Variants in TMEM164 observed in about 807,000 individuals in gnomAD.
TMEM164 encodes the protein RP13-360B22.2.
In TMEM164, 4 loss-of-function variants were observed where a neutral mutation model predicts 18.8. That is an observed-to-expected ratio of 0.21 (90% CI 0.10 to 0.49). The LOEUF (loss-of-function observed/expected upper bound fraction) is 0.49. TMEM164 is among the 20% of genes least tolerant of loss of function. TMEM164 has a pLI of 0.98. For synonymous variants in TMEM164, 86 were observed against 101.7 expected (o/e 0.85, Z 0.93); for missense variants, 108 against 239.9 (o/e 0.45, Z 3.63).
At chrX:110,022,316 T>C (rs2147724199) in intron 2 of TMEM164, among the ~76,000 whole-genome samples, 1 of 111,290 alleles carries the variant, frequency 9.0e-6, no homozygotes, top group South Asian at 3.7e-4. Flanking sequence ...AGCCTGCTAG[T>C]TAGTTGTTTA....
At chrX:110,007,244 T>A (rs1347210632) in intron 2 of TMEM164, among the ~76,000 whole-genome samples, 1 of 112,207 alleles carries the variant, frequency 8.9e-6, no homozygotes, top group Non-Finnish European at 1.9e-5. Flanking sequence ...TGTTATTGAT[T>A]AATATTCGTC....
intron 2 of TMEM164, among the ~76,000 whole-genome samples, chrX:110,030,187 A>G (rs1238474274): frequency 2.4e-5 from 2 of 82,027 alleles, no homozygotes; most frequent in African/African-American, 1.0e-4. Flanking sequence ...TGGCATGATC[A>G]TGGCTCACTG....
intron 3 of TMEM164, among the ~76,000 whole-genome samples, chrX:110,105,289 A>G (rs1221851075): frequency 9.1e-6 from 1 of 110,429 alleles, no homozygotes; most frequent in Non-Finnish European, 1.9e-5. Flanking sequence ...GAGTCTTACT[A>G]TATGCCATGC....
chrX:110,120,382 G>A (rs1012673274), intron 4 of TMEM164, among the ~76,000 whole-genome samples: 13 of 112,378 alleles, frequency 1.2e-4, no homozygotes, highest in African/African-American at 3.9e-4. Flanking sequence ...TCCTTAGTCT[G>A]TGGATCAGTG....
At chrX:110,178,394 C>G (rs1277376628), downstream of TMEM164, among the ~76,000 whole-genome samples, 2 of 111,739 alleles carry the variant, frequency 1.8e-5, no homozygotes, top group Non-Finnish European at 3.8e-5. Context: ...AGAAAGGGGG[C>G]CAGATATGGC....
At chrX:110,144,906 A>T in intron 5 of TMEM164, 30 bp downstream of exon 5, 1 of 1,108,352 alleles carries the variant, frequency 9.0e-7, no homozygotes. Context: ...TTCCTATGTA[A>T]CCCCCACACC....
At chrX:110,033,889 A>G (rs751587162) in intron 2 of TMEM164, among the ~76,000 whole-genome samples, 1 of 112,006 alleles carries the variant, frequency 8.9e-6, no homozygotes, top group South Asian at 3.7e-4. Flanking sequence ...ACTGACTCCA[A>G]GAGGACAGGA....
At chrX:110,082,762 CTCTTT>C (rs1188134018) in intron 3 of TMEM164, among the ~76,000 whole-genome samples, 1 of 110,912 alleles carries the variant, frequency 9.0e-6, no homozygotes, top group Non-Finnish European at 1.9e-5. Flanking sequence ...CTGGTGGCTT[CTCTTT>C]TCTTTTTCCC....
chrX:110,122,487 A>C (rs2066465916), intron 4 of TMEM164, among the ~76,000 whole-genome samples: 1 of 105,968 alleles, frequency 9.4e-6, no homozygotes, highest in Non-Finnish European at 1.9e-5. Flanking sequence ...ATGACGAGTT[A>C]ATGGGTGCAG....
intron 2 of TMEM164, among the ~76,000 whole-genome samples, chrX:110,016,131 A>G (rs1933353050): frequency 8.9e-6 from 1 of 112,651 alleles, no homozygotes; most frequent in African/African-American, 3.2e-5. Context: ...GCTCAGATGG[A>G]CGCACATGGA....
Position 110,003,875 on chromosome X carries a change from C to T in TMEM164, c.101C>T (p.Ser34Phe). 8.3e-7 allele frequency: 1 copy of T among 1,211,912 alleles called. No individual in the cohort carries two copies. The highest frequency in any genetic ancestry group is 1.1e-6 in the Non-Finnish European group (1 of 895,515). ...NGGPDCAAFL[S>F]WQQRLLESVV... ...GGCCCCGACTGTGCTGCCTTCCTCT[C>T]TTGGCAGCAGCGGCTGCTGGAAAGT... The change falls in exon 2 of 7, where the codon TCT becomes TTT. Residue 34 changes from serine (S) to phenylalanine (F), a missense_variant. Physicochemically the swap from Ser to Phe is radical, Grantham distance 155. Coordinates refer to ENST00000372068, the MANE Select transcript of TMEM164 (RefSeq NM_032227.4).
At chrX:110,092,230 T>C (rs1388062330) in intron 3 of TMEM164, among the ~76,000 whole-genome samples, 1 of 112,112 alleles carries the variant, frequency 8.9e-6, no homozygotes, top group African/African-American at 3.2e-5. Context: ...AAGTAGTTTT[T>C]TCCAATTCTG....
At chrX:110,163,686 T>C (rs1321232419) in intron 5 of TMEM164, among the ~76,000 whole-genome samples, 2 of 112,374 alleles carry the variant, frequency 1.8e-5, no homozygotes, top group African/African-American at 3.2e-5. Flanking sequence ...GTTTATACAC[T>C]AATGGACTTA....
rs373875594 is a variant in TMEM164 at position 110,037,152 on chromosome X, A to C, written c.391-30195A>C. Among the ~76,000 whole-genome samples the C allele has an allele frequency of 5.4e-5, 6 of 111,294 alleles. No individual in the cohort carries two copies. In the East Asian group the frequency reaches 1.4e-3, roughly 26 times the overall value. ...AGAGGGGAAGCCATAAGTTTGGTTC[A>C]AAATGGAAACTGATTCCAGCGGGAG... On this transcript the variant is annotated intron_variant, in intron 2 of 6. Transcript: ENST00000372068.
chrX:110,030,832 GA>G (rs1934467390), intron 2 of TMEM164, among the ~76,000 whole-genome samples: 1 of 106,972 alleles, frequency 9.3e-6, no homozygotes, highest in South Asian at 4.0e-4. Context: ...AAAAGAAAAA[GA>G]AAAAAGAAAA....
intron 2 of TMEM164, among the ~76,000 whole-genome samples, chrX:110,030,882 T>C (rs1165927864): frequency 9.1e-6 from 1 of 110,294 alleles, no homozygotes; most frequent in African/African-American, 3.3e-5. Context: ...TTATGATACA[T>C]TGTGTCTTAT....
chrX:110,167,354 C>T (rs1174859374), intron 5 of TMEM164, among the ~76,000 whole-genome samples: 1 of 112,269 alleles, frequency 8.9e-6, no homozygotes, highest in African/African-American at 3.2e-5. Flanking sequence ...CTACATGGCC[C>T]CAAGGCCTTT....
At chrX:110,014,417 G>A (rs1177841189) in intron 2 of TMEM164, among the ~76,000 whole-genome samples, 3 of 111,753 alleles carry the variant, frequency 2.7e-5, no homozygotes, top group African/African-American at 3.3e-5. Flanking sequence ...GCTTAAGGAC[G>A]TGTTTGTGGG....
At chrX:110,016,867 G>A (rs1933409218) in intron 2 of TMEM164, among the ~76,000 whole-genome samples, 1 of 110,807 alleles carries the variant, frequency 9.0e-6, no homozygotes, top group African/African-American at 3.3e-5. Flanking sequence ...ATGTTGCTTA[G>A]GCTGGTCTTG....
Sources: allele counts gnomAD v4.1 joint callset (sites outside exome capture counted in the v4.1 genomes callset), GRCh38; gene constraint gnomAD v4.1.1; transcripts MANE v1.5; gene names NCBI Gene and HGNC (gene_info 2026-07-23, HGNC 2026-07-21).